CERS6: variants seen among roughly 807,000 people sequenced by gnomAD.
CERS6 encodes the protein ceramide synthase 6.
Under a neutral mutation model 56.8 loss-of-function variants are expected in CERS6, and 26 were observed. The observed-to-expected ratio is 0.46, with a 90% CI of 0.34 to 0.63. The LOEUF is 0.63. Ranked by LOEUF, CERS6 falls within the 30% of genes least tolerant of loss-of-function variation. CERS6 has a pLI of 0.01. For missense variants in CERS6, 415 were observed against 467.5 expected, an observed-to-expected ratio of 0.89 and a Z score of 1.04; for synonymous variants, 164 against 173.3, an observed-to-expected ratio of 0.95 and a Z score of 0.42.
intron 1 of CERS6, among the ~76,000 whole-genome samples, chr2:168,539,635 G>A (rs561537896): frequency 6.6e-6 from 1 of 152,166 alleles, no homozygotes; most frequent in African/African-American, 2.4e-5. Flanking sequence ...GTCTAAACAT[G>A]CACCTGCATA....
At chr2:168,574,408 GTGTGTGTC>G (rs1433910412) in intron 3 of CERS6, among the ~76,000 whole-genome samples, 45 of 94,620 alleles carry the variant, frequency 4.8e-4, no homozygotes, top group Admixed American at 3.7e-3. Flanking sequence ...GTGTGTGTGT[GTGTGTGTC>G]AAGCATTTAC....
intron 1 of CERS6, among the ~76,000 whole-genome samples, chr2:168,512,669 C>CT (rs35756766): frequency 0.088 from 11,466 of 130,944 alleles, 574 homozygotes; most frequent in East Asian, 0.18. Flanking sequence ...ATTTTCTTTT[C>CT]TTTTTTTTTT....
At chr2:168,752,320 T>TGTGTGG (rs764784892) in intron 8 of CERS6, among the ~76,000 whole-genome samples, 1 of 125,224 alleles carries the variant, frequency 8.0e-6, no homozygotes, top group Non-Finnish European at 1.7e-5. Flanking sequence ...TGTGTGTGTA[T>TGTGTGG]AGAGAGAGAG....
intron 3 of CERS6, among the ~76,000 whole-genome samples, chr2:168,619,902 T>G (rs964270849): frequency 1.3e-5 from 2 of 150,520 alleles, no homozygotes; most frequent in African/African-American, 4.9e-5. Flanking sequence ...GCTGCACAAT[T>G]CACAATTGTG....
Position 168,717,938 on chromosome 2 carries a change from G to A in CERS6, c.805G>A (p.Val269Met), listed in dbSNP as rs373359187. Residue 269 changes from valine to methionine, a missense_variant, in exon 8 of 10, where the codon GTG becomes ATG. Transcript: ENST00000305747. ...TGATCTCCTGTTTGTTATGTTTGCC[G>A]TGGTTTTTATCACCACACGACTGGG... is the stretch of plus-strand genomic sequence containing the variant. ...MCDLLFVMFAVVFITTRLGIF... is the reference protein window; with the variant it reads ...MCDLLFVMFAMVFITTRLGIF... 3.2e-5 allele frequency: 51 copies of A among 1,613,478 alleles called. No individual in the cohort carries two copies. The Admixed American group carries it at 4.2e-4, about 13-fold the overall frequency.
At chr2:168,596,443 C>T (rs967875250) in intron 3 of CERS6, among the ~76,000 whole-genome samples, 5 of 151,746 alleles carry the variant, frequency 3.3e-5, no homozygotes, top group African/African-American at 4.8e-5. Flanking sequence ...TTTGGCAGAA[C>T]GTAACATGAG....
intron 4 of CERS6, among the ~76,000 whole-genome samples, chr2:168,639,399 G>A (rs905260295): frequency 6.6e-6 from 1 of 152,154 alleles, no homozygotes; most frequent in Admixed American, 6.5e-5. Context: ...CATCATCAGA[G>A]ACCTCTCTGA....
At chr2:168,729,845 G>A (rs1368061961) in intron 8 of CERS6, among the ~76,000 whole-genome samples, 1 of 152,148 alleles carries the variant, frequency 6.6e-6, no homozygotes, top group Non-Finnish European at 1.5e-5. Context: ...ATTCCTCATA[G>A]ATAAAGAATC....
intron 1 of CERS6, among the ~76,000 whole-genome samples, chr2:168,511,476 T>G (rs1353501699): frequency 6.6e-6 from 1 of 152,166 alleles, no homozygotes; most frequent in Non-Finnish European, 1.5e-5. Context: ...CCTGTCTGAT[T>G]CTCTTTCCTG....
At chr2:168,459,441 T>A (rs914819250) in intron 1 of CERS6, among the ~76,000 whole-genome samples, 4 of 152,202 alleles carry the variant, frequency 2.6e-5, no homozygotes, top group Admixed American at 1.3e-4. Flanking sequence ...TATGACAGCA[T>A]ATGGACAGCA....
chr2:168,610,229 G>A (rs1434961912), intron 3 of CERS6, among the ~76,000 whole-genome samples: 2 of 151,914 alleles, frequency 1.3e-5, no homozygotes, highest in African/African-American at 2.4e-5. Flanking sequence ...CACCCACCTC[G>A]GCCTCCCAAA....
chr2:168,768,904 C>CA (rs765504573), intron 9 of CERS6, among the ~76,000 whole-genome samples: 12,720 of 58,596 alleles, frequency 0.22, 856 homozygotes, highest in Middle Eastern at 0.3. Flanking sequence ...GACTCTGACT[C>CA]AAAAAAAAAA....
At chr2:168,596,555 C>CTT (rs35269601) in intron 3 of CERS6, among the ~76,000 whole-genome samples, 3,540 of 114,792 alleles carry the variant, frequency 0.031, 102 homozygotes, top group Non-Finnish European at 0.047. Flanking sequence ...ATCCCCCCCC[C>CTT]TTTTTTTTTT....
At position 168,772,076 on chromosome 2, in the gene CERS6, G is replaced by C. The variant is rs1418010515; in HGVS notation, c.*2414G>C. On this transcript the variant is annotated 3_prime_UTR_variant, in exon 10 of 10. Transcript: ENST00000305747. ...ATATCTCTGTCTATAGCTTTCCCAT[G>C]GTAGCCTGATAAGGCTGAGAGAGAA... The C allele has an allele frequency of 1.3e-5, 2 of 152,152 alleles. No homozygotes were observed. Among genetic ancestry groups the C allele is most frequent in the Non-Finnish European group, 2.9e-5 (2 of 68,042 alleles). 9.4% of individuals were successfully genotyped at this position (152,152 alleles called of 1,614,324 possible). A position where few individuals can be genotyped will look rare whatever the true frequency, so the allele number is the denominator to read the frequency against.
At chr2:168,581,022 CTT>C (rs201849418) in intron 3 of CERS6, among the ~76,000 whole-genome samples, 8 of 143,460 alleles carry the variant, frequency 5.6e-5, no homozygotes, top group Middle Eastern at 3.5e-3. Flanking sequence ...GGATTGCTAT[CTT>C]TTTTTTTTTT....
At chr2:168,579,449 A>G (rs1343394297) in intron 3 of CERS6, among the ~76,000 whole-genome samples, 1 of 152,164 alleles carries the variant, frequency 6.6e-6, no homozygotes, top group African/African-American at 2.4e-5. Flanking sequence ...AGTCCACCAG[A>G]GTCACCAATA....
At chr2:168,502,081 C>T (rs1489451606) in intron 1 of CERS6, among the ~76,000 whole-genome samples, 1 of 151,888 alleles carries the variant, frequency 6.6e-6, no homozygotes. Context: ...CTGGGTTGTA[C>T]TGGGCCAACA....
At position 168,690,950 on chromosome 2, in the gene CERS6, T is replaced by C. The variant is rs531501880; in HGVS notation, c.466-84T>C. ...GTAAATTATTGAAATCCAAAAATAT[T>C]AGGGCAAGAGCCTATTGTAAACCTT... On this transcript the variant is annotated intron_variant, in intron 4 of 9. Transcript: ENST00000305747. 8.7e-4 allele frequency: 1,073 copies of C among 1,231,372 alleles called. 3 individuals are homozygous for C. Among genetic ancestry groups the C allele is most frequent in the Non-Finnish European group, 1.2e-3 (1,041 of 843,420 alleles). 76.3% of individuals were successfully genotyped at this position (1,231,372 alleles called of 1,614,324 possible). A position where few individuals can be genotyped will look rare whatever the true frequency, so the allele number is the denominator to read the frequency against.
intron 1 of CERS6, among the ~76,000 whole-genome samples, chr2:168,529,377 A>G (rs776723977): frequency 2.5e-4 from 38 of 152,182 alleles, no homozygotes; most frequent in Non-Finnish European, 4.6e-4. Flanking sequence ...TTGAAATTCT[A>G]TAAAGTCATT....
Sources: gnomAD v4.1 joint callset for allele counts (sites outside exome capture counted in the v4.1 genomes callset) on GRCh38, gnomAD v4.1.1 for gene constraint, MANE v1.5 for transcripts, NCBI Gene and HGNC (gene_info 2026-07-23, HGNC 2026-07-21) for gene names.